The following AFM variants were observed in gnomAD, a reference collection of about 807,000 sequenced individuals.
AFM encodes afamin, also known as alpha-Alb.
A neutral mutation model predicts 68.7 loss-of-function variants in AFM; 82 were observed. That is an observed-to-expected ratio of 1.19 (90% CI 1.00 to 1.43). AFM has a LOEUF of 1.43. AFM is among the 40% of genes most tolerant of loss of function. The pLI is 0.00. For missense variants in AFM, 772 were observed against 701.8 expected, an observed-to-expected ratio of 1.10 and a Z score of -1.13; for synonymous variants, 250 against 234.2, an observed-to-expected ratio of 1.07 and a Z score of -0.61.
chr4:73,487,497 G>A (rs1245272867), intron 5 of AFM, among the ~76,000 whole-genome samples: 2 of 152,198 alleles, frequency 1.3e-5, no homozygotes, highest in Admixed American at 1.3e-4. Context: ...GAGCACTTAT[G>A]CACCTTTTTA....
chr4:73,483,429 G>T (rs1275976603), intron 1 of AFM, among the ~76,000 whole-genome samples: 1 of 152,204 alleles, frequency 6.6e-6, no homozygotes, highest in Non-Finnish European at 1.5e-5. Flanking sequence ...ACATAAATAT[G>T]CTCCAATTAG....
chr4:73,484,441 T>A (rs1431339188), intron 3 of AFM, 51 bp downstream of exon 3: 1 of 58,780 alleles, frequency 1.7e-5, no homozygotes, highest in African/African-American at 2.6e-4. Flanking sequence ...TCTTTCTTTC[T>A]CTTTCTTTCT....
chr4:73,488,805 TATC>T, intron 7 of AFM, 46 bp downstream of exon 7: 3 of 1,568,990 alleles, frequency 1.9e-6, no homozygotes, highest in Non-Finnish European at 2.6e-6. Context: ...TTTTGGCAAT[TATC>T]ATTTTTTTAT....
chr4:73,493,066 T>C (rs931983332), intron 8 of AFM, among the ~76,000 whole-genome samples: 22 of 152,088 alleles, frequency 1.4e-4, no homozygotes, highest in African/African-American at 4.8e-4. Context: ...AAAGGCTTAA[T>C]AGGGAAGTGG....
intron 8 of AFM, among the ~76,000 whole-genome samples, chr4:73,492,924 G>T (rs1426169980): frequency 6.6e-6 from 1 of 150,954 alleles, no homozygotes; most frequent in African/African-American, 2.4e-5. Context: ...CATCTATAGA[G>T]AGTATAAAGT....
At chr4:73,500,999 C>T (rs993544773) in intron 12 of AFM, among the ~76,000 whole-genome samples, 3 of 152,044 alleles carry the variant, frequency 2.0e-5, no homozygotes, top group South Asian at 2.1e-4. Context: ...GAAGGATGGG[C>T]ATACGGGACT....
At chr4:73,495,809 T>C (rs898247212) in intron 9 of AFM, among the ~76,000 whole-genome samples, 8 of 152,250 alleles carry the variant, frequency 5.3e-5, no homozygotes, top group African/African-American at 1.9e-4. Context: ...GGATTCTTTA[T>C]GGTTTCAAAA....
At chr4:73,495,865 CA>C (rs2149345858) in intron 9 of AFM, among the ~76,000 whole-genome samples, 1 of 152,276 alleles carries the variant, frequency 6.6e-6, no homozygotes, top group African/African-American at 2.4e-5. Context: ...ACAAAGGTTA[CA>C]AAGAACCCTT....
Position 73,484,316 on chromosome 4 carries a change from C to T in AFM, c.196C>T (p.Leu66=). The T allele has an allele frequency of 1.1e-5, 18 of 1,613,468 alleles. No homozygotes were observed. Among genetic ancestry groups the T allele is most frequent in the Non-Finnish European group, 1.4e-5 (17 of 1,179,764 alleles). The part of the protein sequence containing the change: ...QEATFEEMEK[L]VKDMVEYKDR... ...AGCAACCTTTGAAGAAATGGAAAAGCTGGTGAAAGACATGGTAGAATACAA... is the reference window on the plus strand; with the variant it reads ...AGCAACCTTTGAAGAAATGGAAAAGTTGGTGAAAGACATGGTAGAATACAA... The change falls in exon 3 of 15, where the codon CTG becomes TTG. Residue 66 remains leucine, a synonymous_variant. Coordinates refer to ENST00000226355, the MANE Select transcript of AFM (RefSeq NM_001133.2).
intron 10 of AFM, among the ~76,000 whole-genome samples, chr4:73,498,389 G>A (rs1369145507): frequency 6.6e-6 from 1 of 152,078 alleles, no homozygotes; most frequent in African/African-American, 2.4e-5. Context: ...AGGCTCCAGT[G>A]ATCCTCCCAC....
intron 10 of AFM, 78 bp from the exon 11 acceptor site, chr4:73,499,036 G>A (rs1421327564): frequency 2.0e-6 from 3 of 1,509,716 alleles, no homozygotes; most frequent in South Asian, 2.6e-5. Context: ...GCCTTGAAGG[G>A]TCTGGGCTTC....
chr4:73,490,174 T>C (rs1368721623), intron 7 of AFM, among the ~76,000 whole-genome samples: 1 of 137,766 alleles, frequency 7.3e-6, no homozygotes, highest in Non-Finnish European at 1.5e-5. Flanking sequence ...AGCAACAGAA[T>C]GAAACCTTAT....
At position 73,484,251 on chromosome 4, in the gene AFM, G is replaced by A. The variant is rs778348428; in HGVS notation, c.138-7G>A. ...GATCTTTGTATACCCCATGTGAACT[G>A]TTGCAGCACCATCATTGCATTTGCT... On this transcript the variant is annotated splice_region_variant and splice_polypyrimidine_tract_variant and intron_variant, in intron 2 of 14. Transcript: ENST00000226355. 1 of 1,605,700 alleles carries A rather than the reference G, an allele frequency of 6.2e-7. No homozygotes were observed. Among genetic ancestry groups the A allele is most frequent in the Non-Finnish European group, 8.5e-7 (1 of 1,177,568 alleles).
chr4:73,502,102 T>C (rs936802631), intron 13 of AFM, among the ~76,000 whole-genome samples, 183 bp downstream of exon 13: 3 of 152,198 alleles, frequency 2.0e-5, no homozygotes, highest in African/African-American at 7.2e-5. Context: ...GTCTCCTTAG[T>C]ACAGAAAAAG....
intron 11 of AFM, 50 bp downstream of exon 11, chr4:73,499,296 A>G (rs764770438): frequency 1.3e-5 from 19 of 1,417,814 alleles, no homozygotes; most frequent in Non-Finnish European, 1.8e-5. Context: ...TTTTTAAAAA[A>G]AAGAATATTT....
rs1260012688 is a variant in AFM, at chr4:73,491,894, G to C, written c.866G>C (p.Cys289Ser). Residue 289 changes from cysteine (C) to serine (S), a missense_variant, in exon 8 of 15, where the codon TGT becomes TCT. By Grantham distance (112) the Cys-to-Ser change is moderately radical. Transcript: ENST00000226355. ...RDTSKVMNHICSKQDSISSKI... is the reference protein window; with the variant it reads ...RDTSKVMNHISSKQDSISSKI... ...CAGAGCAAGGTTATGAACCATATTT[G>C]TTCAAAACAAGATTCTATCTCCAGC... 6 of 1,613,474 alleles carry C rather than the reference G, an allele frequency of 3.7e-6. No homozygotes were observed. Among genetic ancestry groups the C allele is most frequent in the Non-Finnish European group, 5.1e-6 (6 of 1,179,758 alleles).
chr4:73,494,060 G>GGGGT (rs1553895219), intron 8 of AFM, among the ~76,000 whole-genome samples: 1 of 147,714 alleles, frequency 6.8e-6, no homozygotes, highest in African/African-American at 2.5e-5. Context: ...CATGTTTTTA[G>GGGGT]GTGTGTGTGT....
At chr4:73,497,586 T>G (rs867177128) in intron 9 of AFM, 66 bp from the exon 10 acceptor site, 2 of 1,015,512 alleles carry the variant, frequency 2.0e-6, no homozygotes, top group Non-Finnish European at 2.9e-6. Flanking sequence ...ATTCTACACA[T>G]TGATGTAAAG....
At chr4:73,483,328 A>G (rs893058934) in intron 1 of AFM, among the ~76,000 whole-genome samples, 44 of 152,332 alleles carry the variant, frequency 2.9e-4, no homozygotes, top group African/African-American at 1.0e-3. Flanking sequence ...TAGGAACCTG[A>G]TGTCAAGGGG....
Sources: gnomAD v4.1 joint callset for allele counts (sites outside exome capture counted in the v4.1 genomes callset) on GRCh38, gnomAD v4.1.1 for gene constraint, MANE v1.5 for transcripts, NCBI Gene and HGNC (gene_info 2026-07-23, HGNC 2026-07-21) for gene names.